SNRNP200: variants seen among roughly 807,000 people sequenced by gnomAD.
SNRNP200 encodes U5 small nuclear ribonucleoprotein 200 kDa helicase.
Under a neutral mutation model 255.2 loss-of-function variants are expected in SNRNP200, and 66 were observed. The observed-to-expected ratio is 0.26, with a 90% CI of 0.21 to 0.32. SNRNP200 has a LOEUF of 0.32. Among genes scored for constraint, SNRNP200 ranks in the 10% least tolerant of loss-of-function variants. The pLI, the probability that SNRNP200 is intolerant of heterozygous loss-of-function variation, is 1.00. For synonymous variants in SNRNP200, 939 were observed against 1,027.8 expected (o/e 0.91, Z 1.65); for missense variants, 1,585 against 2,749.8 (o/e 0.58, Z 9.47).
intron 3 of SNRNP200, among the ~76,000 whole-genome samples, chr2:96,302,470 CACA>C (rs1414651826): frequency 6.6e-6 from 1 of 152,206 alleles, no homozygotes; most frequent in African/African-American, 2.4e-5. Context: ...TCTATACTCT[CACA>C]ACAATTAACA....
intron 31 of SNRNP200, 133 bp downstream of exon 31, chr2:96,284,225 G>T: frequency 2.2e-6 from 2 of 907,626 alleles, no homozygotes; most frequent in Non-Finnish European, 3.6e-6. Flanking sequence ...TTGTCCCTTT[G>T]GAATAGGGCA....
intron 1 of SNRNP200, 132 bp downstream of exon 1, chr2:96,305,261 C>T (rs2063980336): frequency 8.2e-7 from 1 of 1,222,648 alleles, no homozygotes; most frequent in South Asian, 1.2e-5. Context: ...TAACCCCCAC[C>T]TTCACCCCGA....
chr2:96,282,145 A>G (rs1374507338), intron 34 of SNRNP200: 1 of 526,066 alleles, frequency 1.9e-6, no homozygotes, highest in Non-Finnish European at 3.5e-6. Context: ...AAAACAAGTC[A>G]TCATAGAACA....
intron 6 of SNRNP200, 33 bp from the exon 7 acceptor site, chr2:96,299,000 G>C (rs778653254): frequency 2.5e-6 from 4 of 1,612,602 alleles, no homozygotes; most frequent in South Asian, 2.2e-5. Flanking sequence ...AGCTCACCAG[G>C]TCTCTGCCAG....
chr2:96,294,297 G>C (rs1470087765), intron 14 of SNRNP200, among the ~76,000 whole-genome samples: 1 of 152,104 alleles, frequency 6.6e-6, no homozygotes, highest in African/African-American at 2.4e-5. Context: ...AATTAGCTGG[G>C]CATGGTGGCG....
chr2:96,287,715 C>G lies in SNRNP200; in HGVS notation c.3365+148G>C. On this transcript the variant is annotated intron_variant, in intron 25 of 44. Transcript: ENST00000323853. This position sits in a 1 kb window ranked among gnomAD's most constrained non-coding sequence, Gnocchi z 5.7. ...AGCCCTGGCCTCCACCACAGAGGGC[C>G]TTCCCTCTTCTCAATGTGCACCAAG... 3.3e-6 allele frequency: 3 copies of G among 896,730 alleles called. No homozygotes were observed. The highest frequency in any genetic ancestry group is 1.7e-5 in the Admixed American group (1 of 57,348). 55.5% of individuals were successfully genotyped at this position (896,730 alleles called of 1,614,324 possible). A position where few individuals can be genotyped will look rare whatever the true frequency, so the allele number is the denominator to read the frequency against.
chr2:96,296,844 A>C, intron 12 of SNRNP200, 89 bp downstream of exon 12: 1 of 1,331,998 alleles, frequency 7.5e-7, no homozygotes, highest in Non-Finnish European at 1.1e-6. Flanking sequence ...ACAAAGAATT[A>C]GGGGGTGGGG....
intron 30 of SNRNP200, 135 bp from the exon 31 acceptor site, chr2:96,284,720 C>T: frequency 1.4e-6 from 1 of 709,004 alleles, no homozygotes; most frequent in Non-Finnish European, 2.5e-6. Flanking sequence ...CCATAGCAGC[C>T]TCTATGCGAT....
At chr2:96,302,813 C>T (rs902949216) in intron 3 of SNRNP200, among the ~76,000 whole-genome samples, 3 of 152,172 alleles carry the variant, frequency 2.0e-5, no homozygotes, top group African/African-American at 7.2e-5. Context: ...AGATGCCTAC[C>T]AAAAGACAAC....
At position 96,278,157 on chromosome 2, in the gene SNRNP200, G is replaced by A. The variant is rs1684701124; in HGVS notation, c.5610+80C>T. 6.2e-7 allele frequency: 1 copy of A among 1,607,104 alleles called. No homozygotes were observed. The highest frequency in any genetic ancestry group is 8.5e-7 in the Non-Finnish European group (1 of 1,174,642). On this transcript the variant is annotated intron_variant, in intron 39 of 44. Transcript: ENST00000323853. This position sits in a 1 kb window ranked among gnomAD's most constrained non-coding sequence, Gnocchi z 6.9. ...GGGGGATGCGTATGGGCGTGTTGGT[G>A]GCAGGGATGCCATGTGCTCTGGGCA...
rs1306720731 is a variant in SNRNP200, at chr2:96,283,506, C to T, written c.4763+29G>A. The T allele has an allele frequency of 6.2e-7, 1 of 1,614,078 alleles. No individual in the cohort carries two copies. Among genetic ancestry groups the T allele is most frequent in the Non-Finnish European group, 8.5e-7 (1 of 1,180,020 alleles). On this transcript the variant is annotated intron_variant, in intron 33 of 44. Transcript: ENST00000323853. The surrounding 1 kb of genome is among the most constrained non-coding windows in gnomAD (Gnocchi z 4.7). Reference sequence around the variant, plus strand: ...TAGGCCAGCCTCACTTAACCTAACCCCAACCCCCAGACGCCAGGCCCCACC... The same window carrying T: ...TAGGCCAGCCTCACTTAACCTAACCTCAACCCCCAGACGCCAGGCCCCACC...
Position 96,292,988 on chromosome 2 carries a change from T to C in SNRNP200, c.2144A>G (p.His715Arg). 6.2e-7 allele frequency: 1 copy of C among 1,614,198 alleles called. No individual in the cohort carries two copies. Among genetic ancestry groups the C allele is most frequent in the Non-Finnish European group, 8.5e-7 (1 of 1,180,028 alleles). Residue 715 changes from histidine to arginine, a missense_variant, in exon 16 of 45, where the codon CAT becomes CGT. Around this residue, in one of 9 missense-constraint regions of SNRNP200, gnomAD observed 140 missense variants for 274.9 expected, o/e 0.51. Coordinates refer to ENST00000323853, the MANE Select transcript of SNRNP200 (RefSeq NM_014014.5). ...CGGGCAAACCTGATTTTTTCCAGCA[T>C]GTTCCATGATTTTTTCATAGACGAT... ...NEIVYEKIME[H>R]AGKNQVLVFV... is the part of the protein sequence containing the mutation.
intron 3 of SNRNP200, among the ~76,000 whole-genome samples, chr2:96,302,066 G>A (rs148914895): frequency 1.6e-4 from 24 of 152,196 alleles, no homozygotes; most frequent in African/African-American, 5.3e-4. Flanking sequence ...ACTCATAATG[G>A]TCCCCAATCT....
chr2:96,281,977 G>A lies in SNRNP200; in HGVS notation c.4916-55C>T. The A allele has an allele frequency of 3.0e-6, 4 of 1,355,448 alleles. No homozygotes were observed. In the South Asian group the frequency reaches 4.7e-5, roughly 16 times the overall value. The allele number at this position is 1,355,448 out of a possible 1,614,324, so 84.0% of individuals were successfully genotyped here. ...GGGCAGGGGTCTCCGGGTGAAGTAGGCTCACTGCCTCATGGGCAGGCCGTG... is the reference window on the plus strand; with the variant it reads ...GGGCAGGGGTCTCCGGGTGAAGTAGACTCACTGCCTCATGGGCAGGCCGTG... On this transcript the variant is annotated intron_variant, in intron 34 of 44. Transcript: ENST00000323853.
chr2:96,305,542 G>T lies in SNRNP200; in HGVS notation c.-105C>A, dbSNP rs1276438160. ...CGCGCCGGAACGACGCAGGAAAGAC[G>T]CACTGGGGAAGGAAAAGAAACGGGT... On this transcript the variant is annotated 5_prime_UTR_variant, in exon 1 of 45. Transcript: ENST00000323853. 1.3e-6 allele frequency: 2 copies of T among 1,484,798 alleles called. No individual in the cohort carries two copies. The highest frequency in any genetic ancestry group is 1.9e-6 in the Non-Finnish European group (2 of 1,072,320). 92.0% of individuals were successfully genotyped at this position (1,484,798 alleles called of 1,614,324 possible).
Position 96,290,647 on chromosome 2 carries a change from T to C in SNRNP200, c.2553+37A>G. The C allele has an allele frequency of 6.2e-7, 1 of 1,614,014 alleles. No homozygotes were observed. The highest frequency in any genetic ancestry group is 2.2e-5 in the East Asian group (1 of 44,886). On this transcript the variant is annotated intron_variant, in intron 19 of 44. Transcript: ENST00000323853. The surrounding 1 kb of genome is among the most constrained non-coding windows in gnomAD (Gnocchi z 4.5). ...ATCCCTGCATTTCAGGCAAGGATAC[T>C]GATCCCTGCTGAGAATAAACTCAAA...
chr2:96,304,719 C>T lies in SNRNP200; in HGVS notation c.195G>A (p.Glu65=), dbSNP rs1401786627. ...KAQRTKPQMQ[E]ERRAKRRKRD... ...TTGGCACTCACTTGGCTCTTCTTTC[C>T]TCCTGCATCTGCGGTTTGGTCCGTT... The change falls in exon 2 of 45, where the codon GAG becomes GAA. Residue 65 remains glutamate (E), a synonymous_variant. Coordinates refer to ENST00000323853, the MANE Select transcript of SNRNP200 (RefSeq NM_014014.5). 6.2e-7 allele frequency: 1 copy of T among 1,613,996 alleles called. No homozygotes were observed. The highest frequency in any genetic ancestry group is 1.3e-5 in the African/African-American group (1 of 74,918).
chr2:96,297,157 G>C, intron 11 of SNRNP200, 87 bp from the exon 12 acceptor site: 1 of 1,595,046 alleles, frequency 6.3e-7, no homozygotes, highest in Non-Finnish European at 8.6e-7. Flanking sequence ...TTTGTTCCCT[G>C]GCAATCTCTT....
intron 24 of SNRNP200, among the ~76,000 whole-genome samples, chr2:96,288,213 G>A (rs929061541): frequency 6.6e-6 from 1 of 152,194 alleles, no homozygotes; most frequent in African/African-American, 2.4e-5. Context: ...AACATTCACT[G>A]CATGATTTTA....
Sources: allele counts gnomAD v4.1 joint callset (sites outside exome capture counted in the v4.1 genomes callset), GRCh38; gene constraint gnomAD v4.1.1; regional missense constraint gnomAD v4.1.1; non-coding constraint Gnocchi (gnomAD v3.1); transcripts MANE v1.5; gene names NCBI Gene and HGNC (gene_info 2026-07-23, HGNC 2026-07-21).